The following IGSF21 variants were observed in gnomAD, a reference collection of about 807,000 sequenced individuals.
IGSF21 encodes immunoglobulin superfamily member 21.
A neutral mutation model predicts 46.8 loss-of-function variants in IGSF21; 28 were observed. The observed-to-expected ratio is 0.60, with a 90% confidence interval of 0.44 to 0.82. The LOEUF is 0.82. Among genes scored for constraint, IGSF21 ranks in the 40% least tolerant of loss-of-function variants. The pLI is 0.00. For missense variants in IGSF21, 624 were observed against 665.5 expected (o/e 0.94, Z 0.69); for synonymous variants, 284 against 273.6 (o/e 1.04, Z -0.38).
chr1:18,138,770 C>T (rs557817291), intron 1 of IGSF21, among the ~76,000 whole-genome samples: 9 of 152,232 alleles, frequency 5.9e-5, no homozygotes, highest in Admixed American at 5.2e-4. Context: ...TCTGCTCCCT[C>T]GCCACCACCA....
chr1:18,235,214 G>A (rs1345086356), intron 2 of IGSF21, among the ~76,000 whole-genome samples: 1 of 152,206 alleles, frequency 6.6e-6, no homozygotes, highest in African/African-American at 2.4e-5. Context: ...CACGGAGCAT[G>A]TCATGGCGTT....
At chr1:18,177,699 G>A (rs2086816369) in intron 1 of IGSF21, among the ~76,000 whole-genome samples, 1 of 152,134 alleles carries the variant, frequency 6.6e-6, no homozygotes, top group Admixed American at 6.5e-5. Context: ...CTTGAACAAG[G>A]AATTCCCCAT....
At chr1:18,316,933 T>C (rs921545962) in intron 3 of IGSF21, among the ~76,000 whole-genome samples, 15 of 152,222 alleles carry the variant, frequency 9.9e-5, no homozygotes, top group African/African-American at 2.7e-4. Flanking sequence ...TTCTCAATGC[T>C]GGGGCTGCAA....
At chr1:18,151,244 C>T (rs1021670231) in intron 1 of IGSF21, among the ~76,000 whole-genome samples, 4 of 152,208 alleles carry the variant, frequency 2.6e-5, no homozygotes, top group Non-Finnish European at 5.9e-5. Context: ...CAAACAATTC[C>T]AACCTCTTCT....
At chr1:18,123,349 G>A (rs1242524190) in intron 1 of IGSF21, among the ~76,000 whole-genome samples, 1 of 152,182 alleles carries the variant, frequency 6.6e-6, no homozygotes, top group African/African-American at 2.4e-5. Context: ...CATTTCCTGG[G>A]AGCATAGGAC....
At chr1:18,345,651 T>G (rs528280789) in intron 4 of IGSF21, among the ~76,000 whole-genome samples, 1 of 152,346 alleles carries the variant, frequency 6.6e-6, no homozygotes, top group East Asian at 1.9e-4. Context: ...CCCAAGTTGC[T>G]AGGATTACAG....
At position 18,318,646 on chromosome 1, in the gene IGSF21, C is replaced by T. The variant is rs140798228; in HGVS notation, c.306-16246C>T. ...GATCATCCCTGAGCACCTGACGGCC[C>T]CAGCTCACTCACTGACTTGCACACT... On this transcript the variant is annotated intron_variant, in intron 3 of 9. Transcript: ENST00000251296. 5.6e-3 allele frequency among the ~76,000 whole-genome samples: 850 copies of T among 152,236 alleles called. 3 individuals are homozygous for T. Among genetic ancestry groups the T allele is most frequent in the African/African-American group, 0.02 (820 of 41,532 alleles).
At chr1:18,329,919 G>A (rs1033982458) in intron 3 of IGSF21, among the ~76,000 whole-genome samples, 2 of 152,192 alleles carry the variant, frequency 1.3e-5, no homozygotes, top group Non-Finnish European at 2.9e-5. Context: ...ATCCGCCCTC[G>A]CTGTGCCTGG....
intron 1 of IGSF21, among the ~76,000 whole-genome samples, chr1:18,187,224 GA>G (rs2086912163): frequency 2.5e-3 from 2 of 794 alleles, no homozygotes; most frequent in African/African-American, 2.8e-3. Flanking sequence ...GAGATACAGA[GA>G]GAGAGAGAGA....
intron 2 of IGSF21, among the ~76,000 whole-genome samples, chr1:18,267,465 T>C (rs919234707): frequency 3.3e-5 from 5 of 152,178 alleles, no homozygotes; most frequent in Admixed American, 2.0e-4. Context: ...GCCCACCCTC[T>C]GGTAACATCC....
intron 3 of IGSF21, among the ~76,000 whole-genome samples, chr1:18,313,502 A>T (rs992007040): frequency 6.6e-6 from 1 of 152,184 alleles, no homozygotes; most frequent in Non-Finnish European, 1.5e-5. Context: ...CAGAGGGCTC[A>T]TGGGGCTTAA....
At chr1:18,329,502 T>C (rs942734495) in intron 3 of IGSF21, among the ~76,000 whole-genome samples, 1 of 152,152 alleles carries the variant, frequency 6.6e-6, no homozygotes, top group Non-Finnish European at 1.5e-5. Context: ...CTTGAGCACC[T>C]ACCAAGTGAC....
rs1303810333 is a variant in IGSF21 at position 18,206,473 on chromosome 1, C to T, written c.71-21425C>T. 4.6e-5 allele frequency among the ~76,000 whole-genome samples: 7 copies of T among 151,268 alleles called. No homozygotes were observed. The South Asian group carries it at 1.0e-3, about 23-fold the overall frequency. On this transcript the variant is annotated intron_variant, in intron 1 of 9. Coordinates refer to ENST00000251296, the MANE Select transcript of IGSF21 (RefSeq NM_032880.5). ...CTGAGGTGGGAGGATTGCTTGAGCC[C>T]ACGAGTTCAAGGCTGCGGCGAGCCA... is the stretch of plus-strand genomic sequence containing the variant.
At chr1:18,138,119 T>C (rs2086383921) in intron 1 of IGSF21, among the ~76,000 whole-genome samples, 1 of 152,152 alleles carries the variant, frequency 6.6e-6, no homozygotes, top group Non-Finnish European at 1.5e-5. Context: ...GGGCTGAAGA[T>C]AATGGGTTCG....
intron 9 of IGSF21, 23 bp downstream of exon 9, chr1:18,377,454 T>C (rs1256581541): frequency 1.2e-6 from 2 of 1,608,520 alleles, no homozygotes; most frequent in African/African-American, 2.7e-5. Flanking sequence ...CCTCAGGATT[T>C]TTTGCTTAAA....
At chr1:18,272,284 G>A (rs2085050208) in intron 2 of IGSF21, among the ~76,000 whole-genome samples, 1 of 132,724 alleles carries the variant, frequency 7.5e-6, no homozygotes. Flanking sequence ...CAACACGTGA[G>A]AAGTATGAGA....
At chr1:18,306,307 A>G (rs11260978) in intron 3 of IGSF21, among the ~76,000 whole-genome samples, 79,977 of 152,006 alleles carry the variant, frequency 0.53, 23,406 homozygotes, top group East Asian at 0.82. Flanking sequence ...TTTCTCTGCC[A>G]GATACATTCT....
chr1:18,117,964 G>A (rs906854068), intron 1 of IGSF21, among the ~76,000 whole-genome samples: 4 of 152,180 alleles, frequency 2.6e-5, no homozygotes, highest in African/African-American at 9.6e-5. Flanking sequence ...CCTGTCCCAG[G>A]GCTTGGCCAG....
intron 1 of IGSF21, among the ~76,000 whole-genome samples, chr1:18,190,463 A>C (rs997980175): frequency 1.3e-5 from 2 of 152,104 alleles, no homozygotes; most frequent in Non-Finnish European, 2.9e-5. Context: ...CCTGGCACAC[A>C]CTAAGTGTTC....
Sources: allele counts gnomAD v4.1 joint callset (sites outside exome capture counted in the v4.1 genomes callset), GRCh38; gene constraint gnomAD v4.1.1; transcripts MANE v1.5; gene names NCBI Gene and HGNC (gene_info 2026-07-23, HGNC 2026-07-21).